The following DNAJC1 variants were observed in gnomAD, a reference collection of about 807,000 sequenced individuals.
The protein encoded by DNAJC1 is DnaJ heat shock protein family (Hsp40) member C1, also known as dnaJ homolog subfamily C member 1.
Under a neutral mutation model 76.6 loss-of-function variants are expected in DNAJC1, and 58 were observed. The observed-to-expected ratio is 0.76, with a 90% CI of 0.61 to 0.94. The LOEUF is 0.94. DNAJC1 is among the 40% of genes least tolerant of loss of function. The pLI is 0.00. For synonymous variants in DNAJC1, 258 were observed against 267.9 expected, an observed-to-expected ratio of 0.96 and a Z score of 0.36; for missense variants, 689 against 677.3, an observed-to-expected ratio of 1.02 and a Z score of -0.19.
intron 8 of DNAJC1, among the ~76,000 whole-genome samples, chr10:21,831,654 G>GT (rs930703097): frequency 5.9e-5 from 9 of 152,042 alleles, no homozygotes; most frequent in Non-Finnish European, 1.2e-4. Context: ...GCCAGGCATG[G>GT]TGGCAGGCGC....
At chr10:21,940,423 T>C (rs1321658643) in intron 1 of DNAJC1, among the ~76,000 whole-genome samples, 2 of 152,178 alleles carry the variant, frequency 1.3e-5, no homozygotes, top group Non-Finnish European at 2.9e-5. Flanking sequence ...TTAAACTATA[T>C]ATACTAACCA....
intron 1 of DNAJC1, among the ~76,000 whole-genome samples, chr10:21,968,493 TCATGA>T (rs1457500154): frequency 6.6e-6 from 1 of 151,868 alleles, no homozygotes; most frequent in African/African-American, 2.4e-5. Flanking sequence ...TTCTCTAAAT[TCATGA>T]CATATCTTTT....
chr10:21,977,018 C>T (rs546199797), intron 1 of DNAJC1, among the ~76,000 whole-genome samples: 1 of 152,208 alleles, frequency 6.6e-6, no homozygotes, highest in South Asian at 2.1e-4. Context: ...GCAACAGAAG[C>T]AAAAAGCAGT....
chr10:21,879,675 G>C (rs774520943), intron 8 of DNAJC1, among the ~76,000 whole-genome samples: 54 of 152,238 alleles, frequency 3.5e-4, no homozygotes, highest in Non-Finnish European at 4.7e-4. Flanking sequence ...TTACATTGTA[G>C]CTTAGTTTAT....
chr10:21,756,585 C>A lies in DNAJC1; in HGVS notation c.*102G>T. 2.6e-6 allele frequency: 2 copies of A among 770,604 alleles called. No individual in the cohort carries two copies. Among genetic ancestry groups the A allele is most frequent in the East Asian group, 2.6e-5 (1 of 38,272 alleles). The allele number at this position is 770,604 out of a possible 1,614,324, so 47.7% of individuals were successfully genotyped here. ...TATTTATTATTTTTTTTTACTAAGG[C>A]ACATGACGTAGAAATATTGAGGTAC... is the stretch of plus-strand genomic sequence containing the variant. On this transcript the variant is annotated 3_prime_UTR_variant, in exon 12 of 12. Coordinates refer to ENST00000376980, the MANE Select transcript of DNAJC1 (RefSeq NM_022365.4).
intron 1 of DNAJC1, among the ~76,000 whole-genome samples, chr10:22,001,487 G>A (rs568378543): frequency 2.6e-5 from 4 of 152,170 alleles, no homozygotes; most frequent in Admixed American, 1.3e-4. Flanking sequence ...CCTTCTTTTC[G>A]GATTCTACCT....
intron 8 of DNAJC1, among the ~76,000 whole-genome samples, chr10:21,842,137 A>G (rs1399878082): frequency 6.6e-6 from 1 of 150,958 alleles, no homozygotes; most frequent in Non-Finnish European, 1.5e-5. Flanking sequence ...TAGGAGATAT[A>G]CCTAATGCTA....
chr10:21,865,405 C>G (rs1835981782), intron 8 of DNAJC1: 1 of 152,040 alleles, frequency 6.6e-6, no homozygotes, highest in Admixed American at 6.5e-5. Context: ...AAAGGCAAGC[C>G]ACTGATACAT....
At chr10:21,757,288 C>T (rs1834188260) in intron 11 of DNAJC1, among the ~76,000 whole-genome samples, 1 of 152,198 alleles carries the variant, frequency 6.6e-6, no homozygotes, top group African/African-American at 2.4e-5. Context: ...GCAGAGCCGC[C>T]CACTTCAGAC....
At chr10:21,762,254 A>G (rs1834250098) in intron 10 of DNAJC1, among the ~76,000 whole-genome samples, 1 of 152,216 alleles carries the variant, frequency 6.6e-6, no homozygotes, top group Admixed American at 6.5e-5. Flanking sequence ...CAATTCTAAT[A>G]TATGTATATT....
At chr10:21,934,495 C>T (rs969790806) in intron 1 of DNAJC1, among the ~76,000 whole-genome samples, 1 of 152,134 alleles carries the variant, frequency 6.6e-6, no homozygotes, top group African/African-American at 2.4e-5. Flanking sequence ...ACCACTTACT[C>T]AGTGACTCAC....
chr10:21,771,686 T>G (rs537265262), intron 9 of DNAJC1, among the ~76,000 whole-genome samples: 1 of 152,172 alleles, frequency 6.6e-6, no homozygotes, highest in South Asian at 2.1e-4. Flanking sequence ...TTAGTAGAGA[T>G]AGGGTTTCAC....
At chr10:21,949,881 T>A (rs764698968) in intron 1 of DNAJC1, among the ~76,000 whole-genome samples, 10 of 152,148 alleles carry the variant, frequency 6.6e-5, no homozygotes, top group Admixed American at 6.6e-5. Flanking sequence ...TTTTGCGTGA[T>A]GACCAGTGTT....
At chr10:21,845,979 G>A (rs567403048) in intron 8 of DNAJC1, among the ~76,000 whole-genome samples, 3 of 152,176 alleles carry the variant, frequency 2.0e-5, no homozygotes, top group South Asian at 2.1e-4. Flanking sequence ...AGATTAAATT[G>A]TAATTGCTAA....
At chr10:21,821,975 G>A (rs1238389692) in intron 8 of DNAJC1, among the ~76,000 whole-genome samples, 1 of 152,018 alleles carries the variant, frequency 6.6e-6, no homozygotes. Flanking sequence ...CTACTATGGC[G>A]CATCCAGTAT....
At chr10:21,949,241 A>G (rs1837553468) in intron 1 of DNAJC1, among the ~76,000 whole-genome samples, 1 of 152,124 alleles carries the variant, frequency 6.6e-6, no homozygotes, top group Admixed American at 6.5e-5. Context: ...TAAATTGTTG[A>G]AATAATTTTT....
At chr10:21,836,391 C>T (rs1835454024) in intron 8 of DNAJC1, among the ~76,000 whole-genome samples, 1 of 152,174 alleles carries the variant, frequency 6.6e-6, no homozygotes, top group African/African-American at 2.4e-5. Flanking sequence ...CTGTAAAGAC[C>T]ATCAAGGCTA....
chr10:21,892,043 G>A (rs1590036335), intron 7 of DNAJC1, among the ~76,000 whole-genome samples: 1 of 152,000 alleles, frequency 6.6e-6, no homozygotes. Flanking sequence ...GATTTAAGGG[G>A]AGGTAAGGTT....
intron 9 of DNAJC1, among the ~76,000 whole-genome samples, chr10:21,772,122 T>G (rs559340771): frequency 1.3e-5 from 2 of 152,202 alleles, no homozygotes; most frequent in East Asian, 3.9e-4. Context: ...TTTTTATAAG[T>G]TGCCGAATTC....
Sources: gnomAD v4.1 joint callset for allele counts (sites outside exome capture counted in the v4.1 genomes callset) on GRCh38, gnomAD v4.1.1 for gene constraint, MANE v1.5 for transcripts, NCBI Gene and HGNC (gene_info 2026-07-23, HGNC 2026-07-21) for gene names.